The following PTHLH variants were observed in gnomAD, a reference collection of about 807,000 sequenced individuals.
The protein encoded by PTHLH is parathyroid hormone-related protein.
PTHLH carries 5 observed loss-of-function variants against 18.6 expected under a neutral mutation model. The ratio of observed to expected loss-of-function variants is 0.27; its 90% CI spans 0.14 to 0.56. The LOEUF is 0.56. Ranked by LOEUF, PTHLH falls within the 20% of genes least tolerant of loss-of-function variation. The pLI is 0.92. For synonymous variants in PTHLH, 90 were observed against 94.0 expected (o/e 0.96, Z 0.25); for missense variants, 207 against 223.9 (o/e 0.92, Z 0.48).
chr12:27,963,339 G>A lies in PTHLH; in HGVS notation c.524+9C>T, dbSNP rs765915394. The A allele has an allele frequency of 6.2e-7, 1 of 1,614,226 alleles. No individual in the cohort carries two copies. Among genetic ancestry groups the A allele is most frequent in the Admixed American group, 1.7e-5 (1 of 60,014 alleles). On this transcript the variant is annotated intron_variant, in intron 5 of 5. Transcript: ENST00000545234. ...CCCGCTGAGGCTACGGGCCAGAGAA[G>A]CCTGTTACCGTGAATCGAGCTCCAG...
rs1213961802 is a variant in PTHLH at position 27,963,418 on chromosome 12, C to T, written c.454G>A (p.Val152Met). 1 of 1,614,068 alleles carries T rather than the reference C, an allele frequency of 6.2e-7. No homozygotes were observed. Among genetic ancestry groups the T allele is most frequent in the East Asian group, 2.2e-5 (1 of 44,894 alleles). The change falls in exon 5 of 6, where the codon GTG becomes ATG. Residue 152 changes from valine to methionine, a missense_variant. Val to Met is a conservative substitution (Grantham distance 21, BLOSUM62 1). Transcript: ENST00000545234. Reference sequence around the variant, plus strand: ...TCCCCTTCTAGCCCACTCCCAGTCACTCCAGAGTCTAACCAGGCAGAGCGA... The same window carrying T: ...TCCCCTTCTAGCCCACTCCCAGTCATTCCAGAGTCTAACCAGGCAGAGCGA... ...RTRSAWLDSG[V>M]TGSGLEGDHL...
intron 1 of PTHLH, among the ~76,000 whole-genome samples, 154 bp from the exon 2 acceptor site, chr12:27,972,173 G>A (rs545919984): frequency 1.6e-4 from 24 of 151,772 alleles, no homozygotes; most frequent in African/African-American, 5.6e-4. Context: ...GCTTTAAAAA[G>A]TCAACCCTTC....
rs369500828 is a variant in PTHLH, at chr12:27,959,089, G to A, written c.525-521C>T. Reference sequence around the variant, plus strand: ...AGGATAGTGGAAGTGTGGACTTTGGGAACAATTGGAAGGATGTGTAGTTAA... The same window carrying A: ...AGGATAGTGGAAGTGTGGACTTTGGAAACAATTGGAAGGATGTGTAGTTAA... On this transcript the variant is annotated intron_variant, in intron 5 of 5. Transcript: ENST00000545234. Among the ~76,000 whole-genome samples, 249 of 152,314 alleles carry A rather than the reference G, an allele frequency of 1.6e-3. 1 individual carries two copies. The highest frequency in any genetic ancestry group is 5.5e-3 in the African/African-American group (227 of 41,570).
intron 4 of PTHLH, among the ~76,000 whole-genome samples, chr12:27,966,743 T>C (rs2062817442): frequency 6.6e-6 from 1 of 152,138 alleles, no homozygotes; most frequent in Non-Finnish European, 1.5e-5. Flanking sequence ...TTTGGGGAAA[T>C]GCTTATCATA....
At chr12:27,959,768 G>T (rs1236963913) in intron 5 of PTHLH, among the ~76,000 whole-genome samples, 3 of 152,160 alleles carry the variant, frequency 2.0e-5, no homozygotes, top group Non-Finnish European at 4.4e-5. Context: ...TGGTGGGAAT[G>T]TTAAAATCGC....
At chr12:27,964,968 A>G (rs1412744525) in intron 4 of PTHLH, among the ~76,000 whole-genome samples, 1 of 152,164 alleles carries the variant, frequency 6.6e-6, no homozygotes, top group Non-Finnish European at 1.5e-5. Flanking sequence ...CCATCCTCAA[A>G]AGCATCTCAA....
In PTHLH at chr12:27,969,988, GCGAAACCCACATATATAT is replaced by G. The variant is rs768881421; in HGVS notation, c.-23+19_-23+36del. The G allele has an allele frequency of 7.7e-6, 4 of 518,994 alleles. No homozygotes were observed. Among genetic ancestry groups the G allele is most frequent in the Admixed American group, 3.9e-5 (2 of 51,588 alleles). 32.1% of individuals were successfully genotyped at this position (518,994 alleles called of 1,614,324 possible). A position where few individuals can be genotyped will look rare whatever the true frequency, so the allele number is the denominator to read the frequency against. ...CCCTTTCGTTCCAGAGCCACTTGTAGCGAAACCCACATATATATACATAGCTGTCTGTCTACCTCCTCT... is the reference window on the plus strand; with the variant it reads ...CCCTTTCGTTCCAGAGCCACTTGTAGACATAGCTGTCTGTCTACCTCCTCT... On this transcript the variant is annotated intron_variant, in intron 3 of 5. Transcript: ENST00000545234.
chr12:27,962,217 T>A (rs911081956), intron 5 of PTHLH: 1 of 410,454 alleles, frequency 2.4e-6, no homozygotes, highest in Non-Finnish European at 4.3e-6. Flanking sequence ...TTTTGCCTCA[T>A]AGAAACATAC....
chr12:27,964,770 T>C (rs1432061792), intron 4 of PTHLH, among the ~76,000 whole-genome samples: 1 of 152,220 alleles, frequency 6.6e-6, no homozygotes, highest in Non-Finnish European at 1.5e-5. Flanking sequence ...AAGAATAAAC[T>C]AATTCTCTAT....
intron 5 of PTHLH, chr12:27,961,820 G>A (rs2062764123): frequency 7.0e-6 from 4 of 570,516 alleles, no homozygotes; most frequent in Non-Finnish European, 1.2e-5. Context: ...GACAAATAAT[G>A]GTGAATAGGT....
intron 3 of PTHLH, 191 bp from the exon 4 acceptor site, chr12:27,969,707 G>A: frequency 2.7e-6 from 2 of 752,164 alleles, no homozygotes; most frequent in South Asian, 2.7e-5. Context: ...TACTCCAACT[G>A]TGCTTTCTCC....
intron 5 of PTHLH, chr12:27,962,308 A>C (rs1055764144): frequency 9.8e-6 from 2 of 203,444 alleles, no homozygotes; most frequent in Non-Finnish European, 2.0e-5. Flanking sequence ...AACTAGTTCC[A>C]AAAACACCAA....
intron 5 of PTHLH, among the ~76,000 whole-genome samples, chr12:27,960,122 T>G (rs911895302): frequency 2.6e-5 from 4 of 152,224 alleles, no homozygotes; most frequent in Admixed American, 1.3e-4. Context: ...TGTATTGGAA[T>G]AGCCAAGTAA....
chr12:27,971,156 C>G (rs1466625921), intron 2 of PTHLH, among the ~76,000 whole-genome samples: 1 of 151,992 alleles, frequency 6.6e-6, no homozygotes, highest in Non-Finnish European at 1.5e-5. Context: ...TCCCCTCCCC[C>G]TCAAAAGTCC....
intron 3 of PTHLH, 139 bp from the exon 4 acceptor site, chr12:27,969,655 T>A (rs1028723742): frequency 9.6e-6 from 8 of 833,804 alleles, no homozygotes; most frequent in African/African-American, 5.0e-5. Flanking sequence ...AGAAAAAAAA[T>A]TTCTCTGGAG....
chr12:27,963,326 A>G lies in PTHLH; in HGVS notation c.524+22T>C, dbSNP rs750423306. The G allele has an allele frequency of 1.9e-6, 3 of 1,614,246 alleles. No individual in the cohort carries two copies. The East Asian group carries it at 6.7e-5, about 36-fold the overall frequency. On this transcript the variant is annotated intron_variant, in intron 5 of 5. Coordinates refer to ENST00000545234, the MANE Select transcript of PTHLH (RefSeq NM_198965.2). ...CAGCTGAGAGCACCCCGCTGAGGCT[A>G]CGGGCCAGAGAAGCCTGTTACCGTG...
At chr12:27,967,596 C>T (rs952659112) in intron 4 of PTHLH, among the ~76,000 whole-genome samples, 8 of 152,168 alleles carry the variant, frequency 5.3e-5, no homozygotes, top group African/African-American at 1.9e-4. Flanking sequence ...CTCCATTTGG[C>T]TATGATAATT....
chr12:27,963,722 G>T lies in PTHLH; in HGVS notation c.150C>A (p.Ser50=), dbSNP rs200580021. 173 of 1,613,390 alleles carry T rather than the reference G, an allele frequency of 1.1e-4. 1 individual carries two copies. Among genetic ancestry groups the T allele is most frequent in the Non-Finnish European group, 7.6e-6 (9 of 1,179,844 alleles). The change falls in exon 5 of 6, where the codon TCC becomes TCA. Residue 50 remains serine, a synonymous_variant. Coordinates refer to ENST00000545234, the MANE Select transcript of PTHLH (RefSeq NM_198965.2). ...EHQLLHDKGK[S]IQDLRRRFFL... ...AGAATCGTCGCCGTAAATCTTGGAT[G>T]GACTTCCCCTTGTCATGGAGGAGCT...
intron 5 of PTHLH, among the ~76,000 whole-genome samples, chr12:27,959,396 A>G (rs1261914687): frequency 6.6e-6 from 1 of 152,224 alleles, no homozygotes; most frequent in African/African-American, 2.4e-5. Context: ...CTGTTTTATT[A>G]TTCTGAAGTT....
Sources: allele counts gnomAD v4.1 joint callset (sites outside exome capture counted in the v4.1 genomes callset), GRCh38; gene constraint gnomAD v4.1.1; transcripts MANE v1.5; gene names NCBI Gene and HGNC (gene_info 2026-07-23, HGNC 2026-07-21).